DAB1: variants seen among roughly 807,000 people sequenced by gnomAD.
DAB1 encodes the protein DAB adaptor protein 1.
Under a neutral mutation model 64.6 loss-of-function variants are expected in DAB1, and 15 were observed. The ratio of observed to expected loss-of-function variants is 0.23; its 90% CI spans 0.16 to 0.36. The LOEUF (loss-of-function observed/expected upper bound fraction) is 0.36, where lower values mean the gene tolerates loss of function less well. Ranked by LOEUF, DAB1 falls within the 10% of genes least tolerant of loss-of-function variation. DAB1 has a pLI of 1.00. For missense variants in DAB1, 596 were observed against 706.7 expected (o/e 0.84, Z 1.78); for synonymous variants, 235 against 251.9 (o/e 0.93, Z 0.64).
At chr1:57,072,226 T>C (rs199686602) in intron 5 of DAB1, 57 bp downstream of exon 5, 1 of 1,601,684 alleles carries the variant, frequency 6.2e-7, no homozygotes, top group East Asian at 2.2e-5. Context: ...ACGGAGTCAC[T>C]GGACTGTCCC....
intron 1 of DAB1, among the ~76,000 whole-genome samples, chr1:57,350,526 G>A (rs1678502346): frequency 6.6e-6 from 1 of 152,094 alleles, no homozygotes; most frequent in South Asian, 2.1e-4. Context: ...CTGCTGAATG[G>A]AATGAGCTCC....
At chr1:58,154,334 C>G (rs1218841038) in intron 4 of DAB1, among the ~76,000 whole-genome samples, 2 of 152,054 alleles carry the variant, frequency 1.3e-5, no homozygotes, top group Non-Finnish European at 2.9e-5. Flanking sequence ...GAAGGGAGTA[C>G]AGTAGAGTCC....
At chr1:57,887,931 T>C (rs1057122450), upstream of DAB1, among the ~76,000 whole-genome samples, 2 of 152,168 alleles carry the variant, frequency 1.3e-5, no homozygotes, top group Admixed American at 1.3e-4. Context: ...GAAACTTCAT[T>C]TTCTGAGTGA....
At chr1:58,169,357 C>T (rs938302863) in intron 4 of DAB1, among the ~76,000 whole-genome samples, 6 of 151,960 alleles carry the variant, frequency 3.9e-5, no homozygotes, top group Non-Finnish European at 8.8e-5. Context: ...GGTTCTTGGG[C>T]AGGGGGAGAA....
chr1:57,444,426 A>T (rs1320630650), intron 7 of DAB1, among the ~76,000 whole-genome samples: 1 of 152,206 alleles, frequency 6.6e-6, no homozygotes, highest in East Asian at 1.9e-4. Context: ...GGGCAAAAGA[A>T]TGTTTTCATC....
At chr1:57,085,924 T>C (rs1296817465) in intron 4 of DAB1, among the ~76,000 whole-genome samples, 1 of 152,050 alleles carries the variant, frequency 6.6e-6, no homozygotes, top group Admixed American at 6.5e-5. Flanking sequence ...AGATAAAAAT[T>C]AGTGAGTGTG....
chr1:57,093,791 A>T (rs1017382822), intron 4 of DAB1, among the ~76,000 whole-genome samples: 1 of 152,166 alleles, frequency 6.6e-6, no homozygotes, highest in Non-Finnish European at 1.5e-5. Flanking sequence ...AAGAGGGCCT[A>T]GTAAGTCAGA....
rs554545723 is a variant in DAB1, at chr1:57,238,140, G to A, written c.67+52824C>T. On this transcript the variant is annotated intron_variant, in intron 2 of 14. Transcript: ENST00000371236. ...ACCACGAAACCAAGGCTGTGGCTTCGAGCAGTGGTTCTGAGTGTGGTCCTT... is the reference window on the plus strand; with the variant it reads ...ACCACGAAACCAAGGCTGTGGCTTCAAGCAGTGGTTCTGAGTGTGGTCCTT... Among the ~76,000 whole-genome samples the A allele has an allele frequency of 1.2e-4, 18 of 152,264 alleles. 1 individual carries two copies. In the South Asian group the frequency reaches 2.3e-3, roughly 19 times the overall value.
chr1:58,141,772 A>G (rs564256328), intron 5 of DAB1, among the ~76,000 whole-genome samples: 2 of 152,294 alleles, frequency 1.3e-5, no homozygotes, highest in South Asian at 2.1e-4. Context: ...AGTTGGTTTT[A>G]TGGAGTTGGT....
At chr1:57,497,426 T>C (rs149540150) in intron 7 of DAB1, among the ~76,000 whole-genome samples, 59 of 152,322 alleles carry the variant, frequency 3.9e-4, no homozygotes, top group African/African-American at 1.2e-3. Context: ...TTCCTAGCAC[T>C]GGTATAAGCA....
chr1:58,533,507 G>A (rs1646468722), intron 1 of DAB1, among the ~76,000 whole-genome samples: 1 of 152,010 alleles, frequency 6.6e-6, no homozygotes, highest in Admixed American at 6.6e-5. Context: ...AATTACACAT[G>A]ACACATCATT....
intron 5 of DAB1, among the ~76,000 whole-genome samples, chr1:57,938,100 CT>C (rs1186069107): frequency 6.6e-6 from 1 of 152,196 alleles, no homozygotes; most frequent in East Asian, 1.9e-4. Context: ...ATGGGAATTC[CT>C]TTTCATGTGA....
intron 7 of DAB1, among the ~76,000 whole-genome samples, chr1:57,523,467 C>A (rs572776783): frequency 6.6e-6 from 1 of 152,324 alleles, no homozygotes; most frequent in East Asian, 1.9e-4. Flanking sequence ...AGCCAATGAG[C>A]AGCTGACATT....
chr1:57,754,662 A>C (rs3131737), intron 6 of DAB1, among the ~76,000 whole-genome samples: 93,195 of 151,730 alleles, frequency 0.61, 28,911 homozygotes, highest in African/African-American at 0.7. Flanking sequence ...TGCACTCCAG[A>C]CTGGGAGATA....
intron 7 of DAB1, among the ~76,000 whole-genome samples, chr1:57,520,556 T>A (rs1461070026): frequency 4.6e-5 from 7 of 152,130 alleles, no homozygotes; most frequent in Non-Finnish European, 1.0e-4. Flanking sequence ...TAGGGTTAAC[T>A]CTCAAATAAG....
At chr1:58,097,889 C>A (rs1651084947) in intron 5 of DAB1, among the ~76,000 whole-genome samples, 1 of 152,284 alleles carries the variant, frequency 6.6e-6, no homozygotes, top group East Asian at 1.9e-4. Flanking sequence ...CTGTTTGTGA[C>A]CCACCTAGGT....
intron 2 of DAB1, among the ~76,000 whole-genome samples, chr1:57,258,895 A>G (rs1452964211): frequency 1.3e-5 from 2 of 152,090 alleles, no homozygotes; most frequent in Admixed American, 6.6e-5. Context: ...CACCTCCCCA[A>G]GAGCTGGGGA....
At chr1:58,252,373 T>A (rs1218575737) in intron 4 of DAB1, among the ~76,000 whole-genome samples, 1 of 152,198 alleles carries the variant, frequency 6.6e-6, no homozygotes, top group East Asian at 1.9e-4. Flanking sequence ...TTTGTTTAGG[T>A]CTTTTCAATT....
At chr1:57,224,989 G>A (rs1195415086) in intron 2 of DAB1, among the ~76,000 whole-genome samples, 1 of 152,246 alleles carries the variant, frequency 6.6e-6, no homozygotes, top group Non-Finnish European at 1.5e-5. Context: ...TCAGGACAAT[G>A]AGGTTCCAGG....
Sources: gnomAD v4.1 joint callset for allele counts (sites outside exome capture counted in the v4.1 genomes callset) on GRCh38, gnomAD v4.1.1 for gene constraint, MANE v1.5 for transcripts, NCBI Gene and HGNC (gene_info 2026-07-23, HGNC 2026-07-21) for gene names.